Variants in AQP7 observed in about 807,000 individuals in gnomAD.
The protein encoded by AQP7 is aquaporin-7.
In AQP7, 22 loss-of-function variants were observed where a neutral mutation model predicts 26.1. The ratio of observed to expected loss-of-function variants is 0.84; its 90% CI spans 0.60 to 1.20. The LOEUF is 1.20. Ranked by LOEUF, AQP7 falls within the 50% of genes most tolerant of loss-of-function variation. The pLI, the probability that AQP7 is intolerant of heterozygous loss-of-function variation, is 0.00. For missense variants in AQP7, 412 were observed against 457.5 expected (o/e 0.90, Z 0.91); for synonymous variants, 167 against 181.7 (o/e 0.92, Z 0.65).
At chr9:33,399,330 C>T (rs560058659) in intron 2 of AQP7, among the ~76,000 whole-genome samples, 3 of 152,292 alleles carry the variant, frequency 2.0e-5, no homozygotes, top group African/African-American at 7.2e-5. Context: ...CATGGTGACT[C>T]ATGCCTGTAA....
chr9:33,396,604 G>A (rs1292719453), intron 2 of AQP7, among the ~76,000 whole-genome samples: 1 of 148,074 alleles, frequency 6.8e-6, no homozygotes, highest in Admixed American at 6.8e-5. Flanking sequence ...CTTAGCTGCA[G>A]GCCTTTGCAC....
chr9:33,392,087 G>A (rs1825461049), intron 3 of AQP7, among the ~76,000 whole-genome samples: 1 of 152,188 alleles, frequency 6.6e-6, no homozygotes, highest in African/African-American at 2.4e-5. Flanking sequence ...GCCGAGGTGG[G>A]AGGATCACTT....
At chr9:33,401,389 C>T in intron 1 of AQP7, 102 bp from the exon 2 acceptor site, 1 of 955,526 alleles carries the variant, frequency 1.0e-6, no homozygotes, top group South Asian at 1.4e-5. Context: ...GGGGCAGCTC[C>T]TGCTAGTGCC....
intron 4 of AQP7, 134 bp downstream of exon 4, chr9:33,386,835 G>C: frequency 7.5e-7 from 1 of 1,340,184 alleles, no homozygotes; most frequent in Non-Finnish European, 1.0e-6. Context: ...GGGGTTCAGA[G>C]GAGACTTCCT....
chr9:33,392,606 A>C (rs1564182644), intron 3 of AQP7, among the ~76,000 whole-genome samples: 1 of 152,174 alleles, frequency 6.6e-6, no homozygotes, highest in Non-Finnish European at 1.5e-5. Flanking sequence ...AACAGCTCTC[A>C]GAGGACGCAC....
At chr9:33,394,583 C>T (rs1199674094) in intron 3 of AQP7, among the ~76,000 whole-genome samples, 15 of 151,452 alleles carry the variant, frequency 9.9e-5, no homozygotes, top group African/African-American at 2.9e-4. Flanking sequence ...CTGCAACCTC[C>T]GCCTCCTGGG....
chr9:33,393,445 G>A (rs568194114), intron 3 of AQP7, among the ~76,000 whole-genome samples: 88 of 152,294 alleles, frequency 5.8e-4, no homozygotes, highest in African/African-American at 2.0e-3. Context: ...CCGGTGTTCC[G>A]ATTTCCTGTC....
chr9:33,392,733 A>C (rs1825522533), intron 3 of AQP7, among the ~76,000 whole-genome samples: 2 of 152,182 alleles, frequency 1.3e-5, no homozygotes, highest in South Asian at 4.1e-4. Context: ...CTGTCCTCAC[A>C]GCTCAGGAGC....
chr9:33,395,340 G>C, intron 2 of AQP7, 145 bp from the exon 3 acceptor site: 1 of 682,634 alleles, frequency 1.5e-6, no homozygotes, highest in Non-Finnish European at 2.6e-6. Context: ...AGCTGGGACA[G>C]CTGGAATTGG....
At chr9:33,388,274 G>A (rs531373601) in intron 3 of AQP7, among the ~76,000 whole-genome samples, 22 of 152,162 alleles carry the variant, frequency 1.4e-4, no homozygotes, top group South Asian at 8.3e-4. Flanking sequence ...CCCCATCCCC[G>A]TTGGCCGAGC....
intron 2 of AQP7, among the ~76,000 whole-genome samples, chr9:33,396,135 A>C (rs1825829348): frequency 6.6e-6 from 1 of 152,066 alleles, no homozygotes; most frequent in Admixed American, 6.6e-5. Context: ...GTGGGCCTGG[A>C]GGATAAAGAG....
At chr9:33,392,631 G>C (rs893721827) in intron 3 of AQP7, among the ~76,000 whole-genome samples, 2 of 152,168 alleles carry the variant, frequency 1.3e-5, no homozygotes, top group Non-Finnish European at 2.9e-5. Context: ...CTGCCTCCGA[G>C]GTTCCAAGGG....
rs781616926 is a variant in AQP7 at position 33,387,024 on chromosome 9, G to T, written c.213C>A (p.Asn71Lys). 6.2e-7 allele frequency: 1 copy of T among 1,611,986 alleles called. No homozygotes were observed. Among genetic ancestry groups the T allele is most frequent in the Non-Finnish European group, 8.5e-7 (1 of 1,179,834 alleles). ...NKKYGSYLGV[N>K]LGFGFGVTMG... Reference sequence around the variant, plus strand: ...TGGTGACTCCGAAGCCAAAACCCAAGTTGACACCAAGGTAGCTCCCATATT... The same window carrying T: ...TGGTGACTCCGAAGCCAAAACCCAATTTGACACCAAGGTAGCTCCCATATT... The change falls in exon 4 of 8, where the codon AAC (asparagine) becomes AAA (lysine). Residue 71 changes from asparagine to lysine, a missense_variant. Coordinates refer to ENST00000297988, the MANE Select transcript of AQP7 (RefSeq NM_001170.3).
At position 33,385,877 on chromosome 9, in the gene AQP7, G is replaced by T. The variant is rs766758978; in HGVS notation, c.526-11C>A. ...CCCGGTCAGCCACGCCTGAGGAGCAGATGCTGTGGCAGCTCACCTGGGCCC... is the reference window on the plus strand; with the variant it reads ...CCCGGTCAGCCACGCCTGAGGAGCATATGCTGTGGCAGCTCACCTGGGCCC... On this transcript the variant is annotated splice_polypyrimidine_tract_variant and intron_variant, in intron 6 of 7. Coordinates refer to ENST00000297988, the MANE Select transcript of AQP7 (RefSeq NM_001170.3). The T allele has an allele frequency of 3.1e-6, 5 of 1,600,876 alleles. No homozygotes were observed. The East Asian group carries it at 1.1e-4, about 36-fold the overall frequency.
intron 7 of AQP7, 141 bp downstream of exon 7, chr9:33,385,508 T>C: frequency 2.7e-6 from 3 of 1,114,520 alleles, no homozygotes; most frequent in Non-Finnish European, 3.9e-6. Context: ...TGGGGAAATG[T>C]TGGGACTCAC....
At chr9:33,400,313 G>A (rs975890546) in intron 2 of AQP7, among the ~76,000 whole-genome samples, 3 of 152,166 alleles carry the variant, frequency 2.0e-5, no homozygotes, top group African/African-American at 7.2e-5. Flanking sequence ...TGCAGGGGCT[G>A]GAGATGGGGT....
chr9:33,388,203 G>A (rs1049420110), intron 3 of AQP7, among the ~76,000 whole-genome samples: 4 of 152,210 alleles, frequency 2.6e-5, no homozygotes, highest in African/African-American at 9.7e-5. Context: ...TGTTCCGCGG[G>A]CGTCTCAGGC....
At chr9:33,401,850 G>C (rs1384297599) in intron 1 of AQP7, 1 of 154,816 alleles carries the variant, frequency 6.5e-6, no homozygotes, top group Non-Finnish European at 1.4e-5. Context: ...CACCCTGTCT[G>C]TCCTCCTGAT....
At chr9:33,396,125 G>A (rs536745629) in intron 2 of AQP7, among the ~76,000 whole-genome samples, 1 of 152,182 alleles carries the variant, frequency 6.6e-6, no homozygotes, top group East Asian at 1.9e-4. Flanking sequence ...AGGTGGCGGG[G>A]TGGGCCTGGA....
Sources: allele counts gnomAD v4.1 joint callset (sites outside exome capture counted in the v4.1 genomes callset), GRCh38; gene constraint gnomAD v4.1.1; transcripts MANE v1.5; gene names NCBI Gene and HGNC (gene_info 2026-07-23, HGNC 2026-07-21).